Variants in CDH10 observed in about 807,000 individuals in gnomAD.
CDH10 encodes the protein cadherin-10.
Under a neutral mutation model 73.1 loss-of-function variants are expected in CDH10, and 30 were observed. The observed-to-expected ratio is 0.41, with a 90% confidence interval of 0.31 to 0.56. The LOEUF is 0.56. CDH10 is among the 20% of genes least tolerant of loss of function. The pLI is 0.27. For synonymous variants in CDH10, 345 were observed against 348.2 expected, an observed-to-expected ratio of 0.99 and a Z score of 0.10; for missense variants, 815 against 973.7, an observed-to-expected ratio of 0.84 and a Z score of 2.17.
At chr5:24,500,879 G>A (rs1196725331) in intron 8 of CDH10, among the ~76,000 whole-genome samples, 1 of 152,096 alleles carries the variant, frequency 6.6e-6, no homozygotes, top group East Asian at 1.9e-4. Flanking sequence ...CCATTCAAGT[G>A]AGTCTGAAGA....
At chr5:24,615,087 A>G (rs1231874008) in intron 1 of CDH10, among the ~76,000 whole-genome samples, 1 of 152,058 alleles carries the variant, frequency 6.6e-6, no homozygotes, top group Admixed American at 6.6e-5. Flanking sequence ...ATTACCCACA[A>G]TCCATGATAA....
At chr5:24,599,717 A>C (rs1203196160) in intron 1 of CDH10, among the ~76,000 whole-genome samples, 2 of 152,144 alleles carry the variant, frequency 1.3e-5, no homozygotes, top group Non-Finnish European at 2.9e-5. Flanking sequence ...AATCTACTTA[A>C]ATGCATAAAT....
chr5:24,495,510 C>G (rs186922508), intron 9 of CDH10, among the ~76,000 whole-genome samples: 1 of 151,768 alleles, frequency 6.6e-6, no homozygotes, highest in Non-Finnish European at 1.5e-5. Context: ...CTATGGGAAG[C>G]CTTGGAGTTT....
chr5:24,516,551 AT>A (rs1476728691), intron 5 of CDH10, among the ~76,000 whole-genome samples: 2 of 151,892 alleles, frequency 1.3e-5, no homozygotes, highest in Admixed American at 1.3e-4. Context: ...TCTCTCATTT[AT>A]TTTTACTTAT....
At position 24,490,880 on chromosome 5, in the gene CDH10, G is replaced by T. The variant is rs188746687; in HGVS notation, c.1876+696C>A. On this transcript the variant is annotated intron_variant, in intron 11 of 11. Coordinates refer to ENST00000264463, the MANE Select transcript of CDH10 (RefSeq NM_006727.5). The stretch of plus-strand genomic sequence containing the variant: ...TGCTCATATGTCAAGTTTTTGAATT[G>T]TTATTCTAACAAATGTTATCAACTT... 3.7e-3 allele frequency among the ~76,000 whole-genome samples: 567 copies of T among 152,248 alleles called. 5 individuals are homozygous for T. Among genetic ancestry groups the T allele is most frequent in the African/African-American group, 0.013 (537 of 41,560 alleles).
intron 1 of CDH10, among the ~76,000 whole-genome samples, chr5:24,607,200 G>A (rs1203879895): frequency 6.6e-6 from 1 of 152,066 alleles, no homozygotes; most frequent in Non-Finnish European, 1.5e-5. Context: ...GTCAGCACAC[G>A]GGCTCATCAG....
intron 5 of CDH10, among the ~76,000 whole-genome samples, chr5:24,519,800 G>GT: frequency 6.6e-6 from 1 of 152,292 alleles, no homozygotes; most frequent in Non-Finnish European, 1.5e-5. Context: ...TAGAGCTGCT[G>GT]TAACAAAGTA....
intron 2 of CDH10, among the ~76,000 whole-genome samples, chr5:24,572,733 G>A (rs1161605541): frequency 6.6e-6 from 1 of 151,888 alleles, no homozygotes; most frequent in African/African-American, 2.4e-5. Flanking sequence ...TAGTCTTAGA[G>A]CCACCAATTT....
At chr5:24,530,826 T>TAAG (rs1356621730) in intron 5 of CDH10, among the ~76,000 whole-genome samples, 4 of 152,118 alleles carry the variant, frequency 2.6e-5, no homozygotes, top group Non-Finnish European at 5.9e-5. Context: ...GAACTCCTTT[T>TAAG]AAGAATTATA....
rs756815430 is a variant in CDH10 at position 24,491,607 on chromosome 5, G to T, written c.1845C>A (p.Ile615=). 6.2e-7 allele frequency: 1 copy of T among 1,613,464 alleles called. No homozygotes were observed. The part of the protein sequence containing the change: ...LPAGLSTGAL[I]AILLCIIILL... ...GAATGATGATGCAGAGGAGGATGGC[G>T]ATCAAGGCCCCAGTGCTGAGGCCGG... Residue 615 remains isoleucine, a synonymous_variant, in exon 11 of 12, where the codon ATC becomes ATA. Coordinates refer to ENST00000264463, the MANE Select transcript of CDH10 (RefSeq NM_006727.5).
intron 2 of CDH10, among the ~76,000 whole-genome samples, chr5:24,540,077 A>G (rs1744094023): frequency 6.6e-6 from 1 of 151,924 alleles, no homozygotes; most frequent in Non-Finnish European, 1.5e-5. Context: ...CTTAATCCAA[A>G]TCAACAATTC....
intron 11 of CDH10, among the ~76,000 whole-genome samples, chr5:24,488,731 T>C (rs1176125821): frequency 1.3e-5 from 2 of 151,934 alleles, no homozygotes. Flanking sequence ...ACAGATTAGT[T>C]AGAGTTAGAT....
At chr5:24,574,069 T>C (rs564842848) in intron 2 of CDH10, among the ~76,000 whole-genome samples, 10 of 151,778 alleles carry the variant, frequency 6.6e-5, no homozygotes, top group African/African-American at 2.4e-4. Context: ...GTATTTTTAG[T>C]AGAAACAGGG....
chr5:24,514,378 CTT>C (rs1324723970), intron 5 of CDH10, among the ~76,000 whole-genome samples: 2 of 152,252 alleles, frequency 1.3e-5, no homozygotes, highest in South Asian at 2.1e-4. Flanking sequence ...ATCTTGGTCT[CTT>C]TTAGCTTTGT....
At chr5:24,561,583 T>A (rs893745388) in intron 2 of CDH10, among the ~76,000 whole-genome samples, 5 of 152,040 alleles carry the variant, frequency 3.3e-5, no homozygotes, top group African/African-American at 1.2e-4. Flanking sequence ...ATATACCAAC[T>A]TACAGTCATC....
intron 1 of CDH10, among the ~76,000 whole-genome samples, chr5:24,643,877 A>C (rs332008): frequency 0.83 from 126,214 of 152,106 alleles, 52,816 homozygotes; most frequent in South Asian, 0.93. Flanking sequence ...TAATTTAACA[A>C]CACATAAAAT....
intron 5 of CDH10, 40 bp from the exon 6 acceptor site, chr5:24,511,554 A>G: frequency 4.8e-6 from 1 of 208,898 alleles, no homozygotes; most frequent in Non-Finnish European, 7.6e-6. Flanking sequence ...ACAGAGAGAG[A>G]GAGAGAGAGA....
intron 2 of CDH10, among the ~76,000 whole-genome samples, chr5:24,553,659 G>A (rs901450836): frequency 1.3e-5 from 2 of 151,894 alleles, no homozygotes; most frequent in Admixed American, 6.6e-5. Flanking sequence ...TGTTTTCCAC[G>A]GGTGGCTACA....
intron 1 of CDH10, chr5:24,612,933 G>C (rs1746996939): frequency 6.6e-6 from 1 of 152,108 alleles, no homozygotes; most frequent in African/African-American, 2.4e-5. Context: ...TTCTTCTCAA[G>C]ATTGTGCAGT....
Sources: gnomAD v4.1 joint callset for allele counts (sites outside exome capture counted in the v4.1 genomes callset) on GRCh38, gnomAD v4.1.1 for gene constraint, MANE v1.5 for transcripts, NCBI Gene and HGNC (gene_info 2026-07-23, HGNC 2026-07-21) for gene names.